The following PPP2R2B variants were observed in gnomAD, a reference collection of about 807,000 sequenced individuals.
PPP2R2B encodes the protein serine/threonine-protein phosphatase 2A 55 kDa regulatory subunit B beta isoform.
PPP2R2B carries 5 observed loss-of-function variants against 46.0 expected under a neutral mutation model. That is an observed-to-expected ratio of 0.11 (90% CI 0.06 to 0.23). The LOEUF is 0.23. PPP2R2B is among the 10% of genes least tolerant of loss of function. The probability of loss-of-function intolerance (pLI) is 1.00; values close to 1 mark genes in which losing one functional copy is unlikely to be tolerated. For synonymous variants in PPP2R2B, 215 were observed against 206.7 expected (o/e 1.04, Z -0.34); for missense variants, 367 against 575.0 (o/e 0.64, Z 3.70).
chr5:146,698,748 CTT>C (rs3217532), intron 3 of PPP2R2B, among the ~76,000 whole-genome samples: 11 of 143,136 alleles, frequency 7.7e-5, no homozygotes, highest in African/African-American at 7.7e-5. Flanking sequence ...GCCCCTGCTC[CTT>C]TTTTTTTTTT....
At chr5:146,929,244 A>T (rs941764814) in intron 1 of PPP2R2B, among the ~76,000 whole-genome samples, 2 of 152,014 alleles carry the variant, frequency 1.3e-5, no homozygotes, top group Non-Finnish European at 1.5e-5. Flanking sequence ...CCTATCCTTA[A>T]TGTTTGTCAT....
At chr5:146,624,036 G>A (rs1401387966) in intron 7 of PPP2R2B, among the ~76,000 whole-genome samples, 1 of 152,130 alleles carries the variant, frequency 6.6e-6, no homozygotes, top group African/African-American at 2.4e-5. Flanking sequence ...CAAGTCGTGA[G>A]GATGGTTGTA....
chr5:146,701,512 C>A (rs964205302), intron 2 of PPP2R2B, among the ~76,000 whole-genome samples: 1 of 152,214 alleles, frequency 6.6e-6, no homozygotes, highest in African/African-American at 2.4e-5. Flanking sequence ...CAAGAATCTT[C>A]CCCACACAGG....
chr5:146,918,527 C>T (rs1270882256), intron 1 of PPP2R2B: 1 of 152,116 alleles, frequency 6.6e-6, no homozygotes, highest in Admixed American at 6.6e-5. Flanking sequence ...CATTTAAATC[C>T]TTTAAGGACT....
chr5:147,040,908 AAGACACAAGCCT>A, intron 1 of PPP2R2B: 1 of 389,450 alleles, frequency 2.6e-6, no homozygotes, highest in Non-Finnish European at 5.0e-6. Flanking sequence ...AGGGCTTATC[AAGACACAAGCCT>A]GCCAAGTGAA....
intron 1 of PPP2R2B, among the ~76,000 whole-genome samples, chr5:146,943,215 A>G (rs1379990286): frequency 6.6e-6 from 1 of 152,100 alleles, no homozygotes; most frequent in Non-Finnish European, 1.5e-5. Context: ...GATTGAACTG[A>G]GTTTTATTTC....
intron 5 of PPP2R2B, among the ~76,000 whole-genome samples, chr5:146,686,881 G>T (rs969988966): frequency 4.6e-5 from 7 of 152,094 alleles, no homozygotes; most frequent in Middle Eastern, 3.4e-3. Flanking sequence ...GAGCTCTAAG[G>T]GTCTGTTACT....
At chr5:146,701,198 T>C (rs764202798) in intron 2 of PPP2R2B, 56 bp from the exon 3 acceptor site, 4 of 1,335,140 alleles carry the variant, frequency 3.0e-6, no homozygotes, top group Non-Finnish European at 3.2e-6. Context: ...TTTGAAAGGA[T>C]AGATAATAGA....
chr5:147,002,857 G>T (rs867938941), intron 1 of PPP2R2B, among the ~76,000 whole-genome samples: 5 of 152,154 alleles, frequency 3.3e-5, no homozygotes, highest in Middle Eastern at 3.4e-3. Context: ...AACCAAAACT[G>T]CAGGTGGTTT....
chr5:146,852,724 T>A (rs187497135), intron 2 of PPP2R2B, among the ~76,000 whole-genome samples: 1 of 152,290 alleles, frequency 6.6e-6, no homozygotes, highest in African/African-American at 2.4e-5. Context: ...AACCTGCTTA[T>A]GTGACAATAG....
chr5:146,806,805 T>C (rs1172932090), intron 2 of PPP2R2B, among the ~76,000 whole-genome samples: 1 of 152,348 alleles, frequency 6.6e-6, no homozygotes, highest in South Asian at 2.1e-4. Context: ...GAATGTCGTT[T>C]TGCAAACTGC....
chr5:146,701,302 T>A, intron 2 of PPP2R2B, 160 bp from the exon 3 acceptor site: 1 of 781,116 alleles, frequency 1.3e-6, no homozygotes, highest in East Asian at 2.5e-5. Flanking sequence ...CCACCAGAAG[T>A]GGCACTTGGG....
intron 7 of PPP2R2B, among the ~76,000 whole-genome samples, chr5:146,623,311 G>A (rs1167091622): frequency 6.6e-6 from 1 of 152,142 alleles, no homozygotes; most frequent in Non-Finnish European, 1.5e-5. Flanking sequence ...ACACTTTTTA[G>A]TCAGCATTTT....
chr5:146,944,079 G>A (rs139703282), intron 1 of PPP2R2B, among the ~76,000 whole-genome samples: 145 of 152,208 alleles, frequency 9.5e-4, no homozygotes, highest in African/African-American at 3.3e-3. Context: ...CTCTTTAAAG[G>A]AGTAAATGAA....
chr5:146,675,430 G>A (rs1581846902), intron 5 of PPP2R2B, among the ~76,000 whole-genome samples: 1 of 152,254 alleles, frequency 6.6e-6, no homozygotes, highest in East Asian at 1.9e-4. Context: ...CCTGGACTGT[G>A]GGATAGCAGG....
At chr5:146,859,144 G>A (rs1444557375) in intron 2 of PPP2R2B, among the ~76,000 whole-genome samples, 1 of 152,034 alleles carries the variant, frequency 6.6e-6, no homozygotes, top group African/African-American at 2.4e-5. Context: ...CATAAACTAG[G>A]TATGTGATCA....
chr5:146,694,075 C>T (rs894535976), intron 4 of PPP2R2B, among the ~76,000 whole-genome samples: 4 of 152,172 alleles, frequency 2.6e-5, no homozygotes, highest in Non-Finnish European at 5.9e-5. Context: ...CAGTACCATT[C>T]GCCTTGAAGC....
In PPP2R2B at chr5:146,682,617, C is replaced by T. The variant is rs137960232; in HGVS notation, c.447+8511G>A. 3.2e-3 allele frequency among the ~76,000 whole-genome samples: 487 copies of T among 152,274 alleles called. 2 individuals carry two copies. Among genetic ancestry groups the T allele is most frequent in the African/African-American group, 0.011 (465 of 41,542 alleles). On this transcript the variant is annotated intron_variant, in intron 5 of 9. Transcript: ENST00000394411. ...CAGTAGTACCCACTCCACAGGCTGCCGTCTGGGCATAGTGAGATGGTACCT... is the reference window on the plus strand; with the variant it reads ...CAGTAGTACCCACTCCACAGGCTGCTGTCTGGGCATAGTGAGATGGTACCT...
intron 2 of PPP2R2B, among the ~76,000 whole-genome samples, chr5:146,874,539 C>T (rs1761789033): frequency 6.6e-6 from 1 of 152,154 alleles, no homozygotes; most frequent in Admixed American, 6.5e-5. Flanking sequence ...TTCTCTGCAT[C>T]AAATAATTTT....
Sources: allele counts gnomAD v4.1 joint callset (sites outside exome capture counted in the v4.1 genomes callset), GRCh38; gene constraint gnomAD v4.1.1; transcripts MANE v1.5; gene names NCBI Gene and HGNC (gene_info 2026-07-23, HGNC 2026-07-21).